Variants in MPPED1 observed in about 807,000 individuals in gnomAD.
MPPED1 encodes metallophosphoesterase domain-containing protein 1.
In MPPED1, 16 loss-of-function variants were observed where a neutral mutation model predicts 36.2. The ratio of observed to expected loss-of-function variants is 0.44; its 90% CI spans 0.30 to 0.67. The LOEUF is 0.67. Among genes scored for constraint, MPPED1 ranks in the 30% least tolerant of loss-of-function variants. MPPED1 has a pLI of 0.10. For missense variants in MPPED1, 307 were observed against 453.4 expected (o/e 0.68, Z 2.93); for synonymous variants, 199 against 191.3 (o/e 1.04, Z -0.33).
chr22:43,504,480 G>A (rs912964313), intron 6 of MPPED1, among the ~76,000 whole-genome samples: 17 of 152,034 alleles, frequency 1.1e-4, no homozygotes, highest in African/African-American at 4.1e-4. Context: ...GATGGTGGTG[G>A]TGGTGATGAA....
chr22:43,499,870 T>G (rs1602025622), intron 5 of MPPED1, among the ~76,000 whole-genome samples: 1 of 65,172 alleles, frequency 1.5e-5, no homozygotes. Context: ...GTGGTGGTGG[T>G]GGTGATGGAG....
intron 4 of MPPED1, among the ~76,000 whole-genome samples, chr22:43,476,941 AC>A (rs1305586455): frequency 4.0e-5 from 6 of 151,744 alleles, no homozygotes; most frequent in Non-Finnish European, 8.8e-5. Flanking sequence ...TTTCCCCTTG[AC>A]CCCCCTACCA....
chr22:43,431,857 C>T (rs114877380), intron 2 of MPPED1, among the ~76,000 whole-genome samples: 1,635 of 152,326 alleles, frequency 0.011, 32 homozygotes, highest in African/African-American at 0.038. Context: ...AAATGAGAGT[C>T]TATTTCTTTC....
chr22:43,449,909 C>T (rs976289785), intron 3 of MPPED1, among the ~76,000 whole-genome samples: 8 of 152,222 alleles, frequency 5.3e-5, no homozygotes, highest in African/African-American at 1.7e-4. Flanking sequence ...ATTTCCATCC[C>T]TCCTGAGCGA....
At chr22:43,457,294 T>A (rs926222616) in intron 3 of MPPED1, among the ~76,000 whole-genome samples, 1 of 152,232 alleles carries the variant, frequency 6.6e-6, no homozygotes, top group South Asian at 2.1e-4. Context: ...TGTCTTCAAA[T>A]CTATTTTTTT....
intron 2 of MPPED1, among the ~76,000 whole-genome samples, chr22:43,428,612 T>A (rs7290966): frequency 6.6e-6 from 1 of 151,976 alleles, no homozygotes; most frequent in Non-Finnish European, 1.5e-5. Flanking sequence ...GAGGGAGCGA[T>A]GGAGCCTTAT....
At chr22:43,482,152 G>A (rs1416283776) in intron 4 of MPPED1, among the ~76,000 whole-genome samples, 3 of 152,090 alleles carry the variant, frequency 2.0e-5, no homozygotes, top group Non-Finnish European at 4.4e-5. Flanking sequence ...TATACATACC[G>A]TATTCATTTA....
intron 3 of MPPED1, among the ~76,000 whole-genome samples, chr22:43,465,686 G>C (rs1007724230): frequency 7.2e-5 from 11 of 152,234 alleles, no homozygotes; most frequent in African/African-American, 2.7e-4. Flanking sequence ...CTCTTGGAAG[G>C]TGTCTTGGAG....
In MPPED1 at chr22:43,490,778, A is replaced by C. The variant is rs551565976; in HGVS notation, c.633-7457A>C. On this transcript the variant is annotated intron_variant, in intron 4 of 6. Transcript: ENST00000443721. Reference sequence around the variant, plus strand: ...GGCTGGGGCTCCAGGGAGGACCCTAAGTGGCTTCTAAGCCACTGAGTCCTT... The same window carrying C: ...GGCTGGGGCTCCAGGGAGGACCCTACGTGGCTTCTAAGCCACTGAGTCCTT... 4.6e-5 allele frequency among the ~76,000 whole-genome samples: 7 copies of C among 152,278 alleles called. No homozygotes were observed. The East Asian group carries it at 1.2e-3, about 25-fold the overall frequency.
At chr22:43,468,754 G>A (rs747633794) in intron 3 of MPPED1, among the ~76,000 whole-genome samples, 1 of 152,170 alleles carries the variant, frequency 6.6e-6, no homozygotes, top group Non-Finnish European at 1.5e-5. Flanking sequence ...TTTAATCAGG[G>A]CTCATGGAGA....
At position 43,502,669 on chromosome 22, in the gene MPPED1, G is replaced by T; in HGVS notation, c.774G>T (p.Lys258Asn). 1.2e-6 allele frequency: 2 copies of T among 1,613,306 alleles called. No homozygotes were observed. Among genetic ancestry groups the T allele is most frequent in the Admixed American group, 3.3e-5 (2 of 60,030 alleles). The change falls in exon 6 of 7, where the codon AAG becomes AAT. Residue 258 changes from lysine (K) to asparagine (N), a missense_variant. Coordinates refer to ENST00000443721, the MANE Select transcript of MPPED1 (RefSeq NM_001044370.2). This position sits in a 1 kb window ranked among gnomAD's most constrained non-coding sequence, Gnocchi z 5.5. Reference protein sequence around the residue: ...PLGFLDWVPKKMQRVGCVELL... With the variant: ...PLGFLDWVPKNMQRVGCVELL... ...GCTTCCTGGACTGGGTCCCCAAGAAGATGCAGCGGGTGGGCTGTGTGGAGC... is the reference window on the plus strand; with the variant it reads ...GCTTCCTGGACTGGGTCCCCAAGAATATGCAGCGGGTGGGCTGTGTGGAGC...
intron 3 of MPPED1, among the ~76,000 whole-genome samples, chr22:43,469,737 T>C (rs1931301871): frequency 6.6e-6 from 1 of 152,096 alleles, no homozygotes; most frequent in South Asian, 2.1e-4. Context: ...GGAGGAAACA[T>C]TTGAGGAGAA....
intron 3 of MPPED1, among the ~76,000 whole-genome samples, chr22:43,453,910 C>T (rs1264914987): frequency 1.3e-5 from 2 of 152,152 alleles, no homozygotes; most frequent in African/African-American, 2.4e-5. Flanking sequence ...TTTTTGTCTT[C>T]CCAAATGGAA....
At chr22:43,462,643 A>G (rs1252706163) in intron 3 of MPPED1, among the ~76,000 whole-genome samples, 21 of 152,134 alleles carry the variant, frequency 1.4e-4, no homozygotes, top group Non-Finnish European at 2.9e-5. Flanking sequence ...ATCATAGTTC[A>G]TCCTCAAGTC....
chr22:43,444,598 G>A (rs930895485), intron 3 of MPPED1, among the ~76,000 whole-genome samples: 17 of 152,034 alleles, frequency 1.1e-4, no homozygotes, highest in Non-Finnish European at 1.5e-4. Context: ...CCTGAACTCA[G>A]GTGGCCCACC....
intron 3 of MPPED1, among the ~76,000 whole-genome samples, chr22:43,463,336 T>C (rs865988369): frequency 1.5e-4 from 22 of 144,048 alleles, no homozygotes; most frequent in South Asian, 6.3e-4. Flanking sequence ...TTTTTCTTTT[T>C]TTTTTTTTTT....
chr22:43,460,447 C>T (rs188402309), intron 3 of MPPED1, among the ~76,000 whole-genome samples: 19 of 152,016 alleles, frequency 1.2e-4, no homozygotes, highest in African/African-American at 7.2e-5. Context: ...TCTCCTGCCT[C>T]GGCCTCCTGA....
chr22:43,494,057 A>C (rs139745546), intron 4 of MPPED1, among the ~76,000 whole-genome samples: 5,383 of 152,252 alleles, frequency 0.035, 147 homozygotes, highest in East Asian at 0.069. Context: ...ATTTTGAGAC[A>C]GGGTCTTGCT....
At chr22:43,503,779 G>T (rs1425212657) in intron 6 of MPPED1, among the ~76,000 whole-genome samples, 2 of 152,158 alleles carry the variant, frequency 1.3e-5, no homozygotes, top group Non-Finnish European at 2.9e-5. Context: ...CCTACTATGG[G>T]CATGTAGCTC....
Sources: gnomAD v4.1 joint callset for allele counts (sites outside exome capture counted in the v4.1 genomes callset) on GRCh38, gnomAD v4.1.1 for gene constraint, Gnocchi (gnomAD v3.1) non-coding constraint, MANE v1.5 for transcripts, NCBI Gene and HGNC (gene_info 2026-07-23, HGNC 2026-07-21) for gene names.